The following STK17A variants were observed in gnomAD, a reference collection of about 807,000 sequenced individuals.
STK17A encodes the protein serine/threonine kinase 17a.
Under a neutral mutation model 43.7 loss-of-function variants are expected in STK17A, and 26 were observed. That is an observed-to-expected ratio of 0.60 (90% CI 0.44 to 0.83). The LOEUF (loss-of-function observed/expected upper bound fraction) is 0.83, where lower values mean the gene tolerates loss of function less well. Ranked by LOEUF, STK17A falls within the 40% of genes least tolerant of loss-of-function variation. STK17A has a pLI of 0.00. For missense variants in STK17A, 476 were observed against 511.6 expected (o/e 0.93, Z 0.67); for synonymous variants, 191 against 182.5 (o/e 1.05, Z -0.38).
chr7:43,583,344 C>G lies in STK17A; in HGVS notation c.101C>G (p.Pro34Arg). 1 of 1,435,386 alleles carries G rather than the reference C, an allele frequency of 7.0e-7. No individual in the cohort carries two copies. The highest frequency in any genetic ancestry group is 9.1e-7 in the Non-Finnish European group (1 of 1,093,028). The allele number at this position is 1,435,386 out of a possible 1,614,324, so 88.9% of individuals were successfully genotyped here. A position where few individuals can be genotyped will look rare whatever the true frequency, so the allele number is the denominator to read the frequency against. The change falls in exon 1 of 7, where the codon CCG becomes CGG. Residue 34 changes from proline (P) to arginine (R), a missense_variant. Pro to Arg is a moderately radical substitution (Grantham distance 103). This residue lies in a region of STK17A where 320 missense variants were observed against 326.3 expected (regional missense o/e 0.98). Transcript: ENST00000319357. ...GGTCTGAGCGGGCCGTGCCGGCCGC[C>G]GCCGCCGCCCCAGGCCCGCGGGCTG... Reference protein sequence around the residue: ...GRGLSGPCRPPPPPQARGLLT... With the variant: ...GRGLSGPCRPRPPPQARGLLT...
At chr7:43,602,215 T>C (rs2082560823) in intron 2 of STK17A, among the ~76,000 whole-genome samples, 1 of 152,250 alleles carries the variant, frequency 6.6e-6, no homozygotes, top group Non-Finnish European at 1.5e-5. Flanking sequence ...TTCTAGAGTT[T>C]CAGTCCCTCC....
rs77710346 is a variant in STK17A, at chr7:43,612,380, G to A, written c.564+3980G>A. ...AAGGTCATTTCCAATTGGCCTCTGT[G>A]AGTCTGGATGAAGTGAGTCTGCTGT... On this transcript the variant is annotated intron_variant, in intron 3 of 6. Coordinates refer to ENST00000319357, the MANE Select transcript of STK17A (RefSeq NM_004760.3). Among the ~76,000 whole-genome samples, 340 of 152,360 alleles carry A rather than the reference G, an allele frequency of 2.2e-3. 6 individuals are homozygous for A. In the East Asian group the frequency reaches 0.039, roughly 17 times the overall value.
intron 1 of STK17A, among the ~76,000 whole-genome samples, chr7:43,593,470 T>C (rs933537019): frequency 2.0e-5 from 3 of 152,234 alleles, no homozygotes; most frequent in African/African-American, 7.2e-5. Context: ...CTACTTTCCA[T>C]AGTGGCTGAA....
intron 3 of STK17A, among the ~76,000 whole-genome samples, 157 bp from the exon 4 acceptor site, chr7:43,619,440 T>G (rs1178460924): frequency 6.6e-6 from 1 of 152,202 alleles, no homozygotes; most frequent in African/African-American, 2.4e-5. Flanking sequence ...GCCTTATACA[T>G]AGGCAATAAA....
chr7:43,618,528 T>G (rs2083557608), intron 3 of STK17A, among the ~76,000 whole-genome samples: 1 of 152,178 alleles, frequency 6.6e-6, no homozygotes. Flanking sequence ...TATTTGTAAT[T>G]TACCAGTGTT....
Position 43,624,504 on chromosome 7 carries a change from A to T in STK17A, c.921-14A>T. ...TTCTAACATGTCTTAACTGTAAAAC[A>T]TGTATCTTTACAGAGATCGAGCCAC... On this transcript the variant is annotated splice_polypyrimidine_tract_variant and intron_variant, in intron 6 of 6. Transcript: ENST00000319357. 1 of 1,593,096 alleles carries T rather than the reference A, an allele frequency of 6.3e-7. No homozygotes were observed. The highest frequency in any genetic ancestry group is 1.4e-5 in the African/African-American group (1 of 74,018).
At position 43,625,112 on chromosome 7, in the gene STK17A, G is replaced by C. The variant is rs2084363879; in HGVS notation, c.*270G>C. 4 of 294,602 alleles carry C rather than the reference G, an allele frequency of 1.4e-5. No homozygotes were observed. Among genetic ancestry groups the C allele is most frequent in the African/African-American group, 2.2e-5 (1 of 45,820 alleles). The allele number at this position is 294,602 out of a possible 1,614,324, so 18.2% of individuals were successfully genotyped here. On this transcript the variant is annotated 3_prime_UTR_variant, in exon 7 of 7. Coordinates refer to ENST00000319357, the MANE Select transcript of STK17A (RefSeq NM_004760.3). ...TTGAATTCTACATCCTGTTTCTCCA[G>C]AATGAGAATTTGTGTACAAAGATAT... is the stretch of plus-strand genomic sequence containing the variant.
chr7:43,608,262 T>C lies in STK17A; in HGVS notation c.426T>C (p.Ala142=). ...SEMILVLEYA[A]GGEIFDQCVA... ...TAATTTTGCCCTTCTCTAGTGCTGC[T>C]GGGGGTGAAATCTTTGACCAGTGTG... Residue 142 remains alanine (A), a synonymous_variant, in exon 3 of 7, where the codon GCT becomes GCC. Transcript: ENST00000319357. 2 of 1,612,030 alleles carry C rather than the reference T, an allele frequency of 1.2e-6. No individual in the cohort carries two copies. Among genetic ancestry groups the C allele is most frequent in the South Asian group, 1.1e-5 (1 of 90,270 alleles).
At chr7:43,585,219 G>A (rs1420261576) in intron 1 of STK17A, among the ~76,000 whole-genome samples, 1 of 152,024 alleles carries the variant, frequency 6.6e-6, no homozygotes, top group Middle Eastern at 3.4e-3. Flanking sequence ...GGAAAACTAC[G>A]TTTTTCCATT....
chr7:43,596,109 G>C lies in STK17A; in HGVS notation c.415G>C (p.Glu139Gln). The change falls in exon 2 of 7, where the codon GAA becomes CAA. Residue 139 changes from glutamate (E) to glutamine (Q), a missense_variant. Transcript: ENST00000319357. Reference sequence around the variant, plus strand: ...TGCATCAGAAATGATCTTAGTTCTGGAATAGTAAGTATTGTCTTTCTTAGA... The same window carrying C: ...TGCATCAGAAATGATCTTAGTTCTGCAATAGTAAGTATTGTCTTTCTTAGA... Reference protein sequence around the residue: ...ETASEMILVLEYAAGGEIFDQ... With the variant: ...ETASEMILVLQYAAGGEIFDQ... 1 of 1,607,698 alleles carries C rather than the reference G, an allele frequency of 6.2e-7. No individual in the cohort carries two copies. The highest frequency in any genetic ancestry group is 8.5e-7 in the Non-Finnish European group (1 of 1,176,532).
At chr7:43,610,792 A>G (rs1278035848) in intron 3 of STK17A, among the ~76,000 whole-genome samples, 1 of 151,992 alleles carries the variant, frequency 6.6e-6, no homozygotes, top group Non-Finnish European at 1.5e-5. Flanking sequence ...ATAACTGCTT[A>G]ATTTTTATTG....
intron 3 of STK17A, chr7:43,608,881 G>A (rs1054923): frequency 0.15 from 22,350 of 152,318 alleles, 2,177 homozygotes; most frequent in Non-Finnish European, 0.21. Context: ...GAATATTCGA[G>A]AAGCAGTGTT....
rs1441900931 is a variant in STK17A at position 43,623,791 on chromosome 7, A to ATC, written c.826_827dup (p.Gln277HisfsTer3). On this transcript the variant is annotated frameshift_variant, in exon 6 of 7. Coordinates refer to ENST00000319357, the MANE Select transcript of STK17A (RefSeq NM_004760.3). LOFTEE classifies it high-confidence loss of function. The stretch of plus-strand genomic sequence containing the variant: ...TGATAAACAAGAAACATTCTTAAAC[A>ATC]TCTCACAGATGAATTTAAGTTATTC... The ATC allele has an allele frequency of 6.2e-7, 1 of 1,608,284 alleles. No homozygotes were observed. The highest frequency in any genetic ancestry group is 1.7e-5 in the Admixed American group (1 of 58,962).
intron 1 of STK17A, among the ~76,000 whole-genome samples, chr7:43,584,472 G>T (rs2082425379): frequency 6.6e-6 from 1 of 152,180 alleles, no homozygotes; most frequent in African/African-American, 2.4e-5. Flanking sequence ...CTTGCCACAT[G>T]GCGTTCAGTA....
At chr7:43,586,306 A>G (rs2082438792) in intron 1 of STK17A, among the ~76,000 whole-genome samples, 1 of 151,594 alleles carries the variant, frequency 6.6e-6, no homozygotes, top group Non-Finnish European at 1.5e-5. Flanking sequence ...AAAACTTTCA[A>G]TGAGATGACT....
Position 43,583,143 on chromosome 7 carries a change from T to G in STK17A, c.-101T>G, listed in dbSNP as rs2082411020. 8 of 1,313,124 alleles carry G rather than the reference T, an allele frequency of 6.1e-6. No homozygotes were observed. The highest frequency in any genetic ancestry group is 8.3e-6 in the Non-Finnish European group (8 of 963,094). 81.3% of individuals were successfully genotyped at this position (1,313,124 alleles called of 1,614,324 possible). The stretch of plus-strand genomic sequence containing the variant: ...CGCCGCGCTGGGGAGAGCGGGTGTT[T>G]GAAGGCTCCGCGGACCGGCACTAGG... On this transcript the variant is annotated 5_prime_UTR_variant, in exon 1 of 7. Coordinates refer to ENST00000319357, the MANE Select transcript of STK17A (RefSeq NM_004760.3).
intron 3 of STK17A, among the ~76,000 whole-genome samples, chr7:43,610,334 G>A (rs1443789641): frequency 1.7e-5 from 2 of 116,206 alleles, no homozygotes; most frequent in African/African-American, 3.3e-5. Flanking sequence ...GCAACAGAGC[G>A]AGACTCCGTC....
rs142976606 is a variant in STK17A, at chr7:43,589,125, A to G, written c.206+5676A>G. Among the ~76,000 whole-genome samples, 49 of 151,754 alleles carry G rather than the reference A, an allele frequency of 3.2e-4. 2 individuals carry two copies. The highest frequency in any genetic ancestry group is 1.2e-3 in the African/African-American group (48 of 41,508). On this transcript the variant is annotated intron_variant, in intron 1 of 6. Transcript: ENST00000319357. Reference sequence around the variant, plus strand: ...AAGAGAGAATGGCAAGTAGTCCAGTATATTAAATGTCATGAGGTTAAGTTG... The same window carrying G: ...AAGAGAGAATGGCAAGTAGTCCAGTGTATTAAATGTCATGAGGTTAAGTTG...
rs1287369425 is a variant in STK17A at position 43,608,645 on chromosome 7, C to G, written c.564+245C>G. ...GAAAGGAACTCAAAATATGATAAGA[C>G]AGAACTTGAGCTAGATCTTTTGAAA... On this transcript the variant is annotated intron_variant, in intron 3 of 6. Coordinates refer to ENST00000319357, the MANE Select transcript of STK17A (RefSeq NM_004760.3). 29 of 329,270 alleles carry G rather than the reference C, an allele frequency of 8.8e-5. No individual in the cohort carries two copies. The East Asian group carries it at 1.4e-3, about 16-fold the overall frequency. 20.4% of individuals were successfully genotyped at this position (329,270 alleles called of 1,614,324 possible).
Sources: gnomAD v4.1 joint callset for allele counts (sites outside exome capture counted in the v4.1 genomes callset) on GRCh38, gnomAD v4.1.1 for gene constraint, gnomAD v4.1.1 regional missense constraint, MANE v1.5 for transcripts, NCBI Gene and HGNC (gene_info 2026-07-23, HGNC 2026-07-21) for gene names.